The following RSRC1 variants were observed in gnomAD, a reference collection of about 807,000 sequenced individuals.
RSRC1 encodes the protein arginine and serine rich coiled-coil 1.
Under a neutral mutation model 49.1 loss-of-function variants are expected in RSRC1, and 39 were observed. The ratio of observed to expected loss-of-function variants is 0.79; its 90% CI spans 0.61 to 1.04. The LOEUF is 1.04. Among genes scored for constraint, RSRC1 ranks in the 50% least tolerant of loss-of-function variants. The pLI is 0.00. For synonymous variants in RSRC1, 143 were observed against 130.8 expected (o/e 1.09, Z -0.63); for missense variants, 388 against 402.4 (o/e 0.96, Z 0.31).
chr3:158,331,354 T>C (rs1179562961), intron 5 of RSRC1, among the ~76,000 whole-genome samples: 1 of 152,266 alleles, frequency 6.6e-6, no homozygotes, highest in Non-Finnish European at 1.5e-5. Context: ...TTTTTTGTTC[T>C]CTTTTAAGAA....
At chr3:158,156,396 A>T (rs1438798520) in intron 3 of RSRC1, among the ~76,000 whole-genome samples, 1 of 152,166 alleles carries the variant, frequency 6.6e-6, no homozygotes. Context: ...TGCTGTCAGT[A>T]ATAAGGCTAT....
chr3:158,456,673 G>A (rs1223967657), intron 6 of RSRC1, among the ~76,000 whole-genome samples: 4 of 152,120 alleles, frequency 2.6e-5, no homozygotes, highest in African/African-American at 9.7e-5. Context: ...AAACTTTCTG[G>A]TAGGATTTTT....
Position 158,508,871 on chromosome 3 carries a change from G to A in RSRC1, c.653-28221G>A, listed in dbSNP as rs142369931. Among the ~76,000 whole-genome samples the A allele has an allele frequency of 8.5e-5, 13 of 152,228 alleles. No individual in the cohort carries two copies. In the East Asian group the frequency reaches 2.3e-3, roughly 27 times the overall value. On this transcript the variant is annotated intron_variant, in intron 7 of 9. Transcript: ENST00000611884. ...GATGAGGTCTTGCTCTGTTGCCCAGGCTGACCTTGAACCCCTGGGCTCAAG... is the reference window on the plus strand; with the variant it reads ...GATGAGGTCTTGCTCTGTTGCCCAGACTGACCTTGAACCCCTGGGCTCAAG...
chr3:158,356,103 C>T (rs1731143005), intron 6 of RSRC1, among the ~76,000 whole-genome samples: 1 of 151,810 alleles, frequency 6.6e-6, no homozygotes, highest in Non-Finnish European at 1.5e-5. Context: ...ATTTTTGGAC[C>T]ACAGTTGACC....
chr3:158,227,850 A>G (rs1373811961), intron 4 of RSRC1, among the ~76,000 whole-genome samples: 2 of 152,008 alleles, frequency 1.3e-5, no homozygotes, highest in Non-Finnish European at 2.9e-5. Flanking sequence ...ATGAATAGGC[A>G]TGTCTGTGTT....
At chr3:158,404,621 TG>T (rs1357290550) in intron 6 of RSRC1, among the ~76,000 whole-genome samples, 1 of 151,942 alleles carries the variant, frequency 6.6e-6, no homozygotes, top group Non-Finnish European at 1.5e-5. Flanking sequence ...TCAGCTTACC[TG>T]GGAAAAATTT....
intron 3 of RSRC1, among the ~76,000 whole-genome samples, chr3:158,133,788 T>C (rs1716188071): frequency 6.6e-6 from 1 of 152,242 alleles, no homozygotes; most frequent in Non-Finnish European, 1.5e-5. Flanking sequence ...CTCATTAATA[T>C]ACATCAGTCT....
intron 4 of RSRC1, among the ~76,000 whole-genome samples, chr3:158,239,797 A>C (rs901727376): frequency 6.6e-6 from 1 of 152,086 alleles, no homozygotes; most frequent in Admixed American, 6.5e-5. Flanking sequence ...CTTTGGTCAG[A>C]TATGTGTTGT....
At chr3:158,457,645 C>A (rs1223840450) in intron 6 of RSRC1, among the ~76,000 whole-genome samples, 1 of 151,282 alleles carries the variant, frequency 6.6e-6, no homozygotes, top group African/African-American at 2.4e-5. Context: ...AAAAGGCTGA[C>A]AAATAATTAT....
chr3:158,292,708 C>A (rs1230278405), intron 4 of RSRC1, among the ~76,000 whole-genome samples: 1 of 152,158 alleles, frequency 6.6e-6, no homozygotes, highest in African/African-American at 2.4e-5. Flanking sequence ...TTTTCAAATT[C>A]ATTAAAACTC....
At chr3:158,489,003 T>C (rs112413988) in intron 7 of RSRC1, among the ~76,000 whole-genome samples, 4 of 152,326 alleles carry the variant, frequency 2.6e-5, no homozygotes, top group African/African-American at 9.6e-5. Flanking sequence ...TGTGTTGTAA[T>C]AGCACTAACC....
chr3:158,356,410 G>A (rs1009406183), intron 6 of RSRC1, among the ~76,000 whole-genome samples: 6 of 151,872 alleles, frequency 4.0e-5, no homozygotes, highest in Admixed American at 1.3e-4. Context: ...CAGTATGATC[G>A]GTATACTAGC....
chr3:158,153,520 G>T (rs1465818905), intron 3 of RSRC1, among the ~76,000 whole-genome samples: 2 of 152,180 alleles, frequency 1.3e-5, no homozygotes, highest in Non-Finnish European at 2.9e-5. Context: ...CTTAATAAGT[G>T]ATTTTAAGAG....
At position 158,512,013 on chromosome 3, in the gene RSRC1, A is replaced by G. The variant is rs957101789; in HGVS notation, c.653-25079A>G. On this transcript the variant is annotated intron_variant, in intron 7 of 9. Transcript: ENST00000611884. ...TGTTGGAGTTCATTGTAGATTCTGG[A>G]TATTAGCCCTTTGTCAGATGAGTAG... Among the ~76,000 whole-genome samples, 551 of 147,030 alleles carry G rather than the reference A, an allele frequency of 3.7e-3. 3 individuals are homozygous for G. The highest frequency in any genetic ancestry group is 0.013 in the African/African-American group (535 of 39,996).
In RSRC1 at chr3:158,497,726, C is replaced by T. The variant is rs552893473; in HGVS notation, c.652+36723C>T. On this transcript the variant is annotated intron_variant, in intron 7 of 9. Coordinates refer to ENST00000611884, the MANE Select transcript of RSRC1 (RefSeq NM_001271838.2). ...CTGGGATTACAGGTGTGAGCCACCA[C>T]GCCCAGCCCATTGTATCATTCTTAC... Among the ~76,000 whole-genome samples the T allele has an allele frequency of 1.2e-4, 18 of 152,250 alleles. No homozygotes were observed. In the South Asian group the frequency reaches 3.1e-3, roughly 26 times the overall value.
intron 6 of RSRC1, among the ~76,000 whole-genome samples, chr3:158,442,262 A>G (rs1736422863): frequency 6.6e-6 from 1 of 152,216 alleles, no homozygotes; most frequent in Non-Finnish European, 1.5e-5. Context: ...TTTCTCTGTA[A>G]CATGCAATGC....
intron 6 of RSRC1, among the ~76,000 whole-genome samples, chr3:158,374,155 G>A (rs540148626): frequency 3.3e-5 from 5 of 152,092 alleles, no homozygotes; most frequent in South Asian, 2.1e-4. Context: ...ATACTCTAAC[G>A]GATTGGATAT....
At chr3:158,507,506 C>G (rs1002486933) in intron 7 of RSRC1, among the ~76,000 whole-genome samples, 16 of 151,852 alleles carry the variant, frequency 1.1e-4, no homozygotes, top group African/African-American at 3.1e-4. Flanking sequence ...ATATGTACAA[C>G]TATTATATAT....
chr3:158,160,769 T>C (rs1718166845), intron 3 of RSRC1, among the ~76,000 whole-genome samples: 1 of 152,184 alleles, frequency 6.6e-6, no homozygotes, highest in Non-Finnish European at 1.5e-5. Flanking sequence ...AAAATAAAAT[T>C]GAAGTTAAAG....
Sources: gnomAD v4.1 joint callset for allele counts (sites outside exome capture counted in the v4.1 genomes callset) on GRCh38, gnomAD v4.1.1 for gene constraint, MANE v1.5 for transcripts, NCBI Gene and HGNC (gene_info 2026-07-23, HGNC 2026-07-21) for gene names.